Variants in TTC34 observed in about 807,000 individuals in gnomAD.
TTC34 encodes the protein tetratricopeptide repeat protein 34.
Under a neutral mutation model 40.7 loss-of-function variants are expected in TTC34, and 44 were observed. That is an observed-to-expected ratio of 1.08 (90% CI 0.85 to 1.39). The LOEUF is 1.39. Among genes scored for constraint, TTC34 ranks in the 40% most tolerant of loss-of-function variants. The probability of loss-of-function intolerance (pLI) is 0.00; values close to 1 mark genes in which losing one functional copy is unlikely to be tolerated. For synonymous variants in TTC34, 422 were observed against 398.6 expected, an observed-to-expected ratio of 1.06 and a Z score of -0.70; for missense variants, 884 against 838.0, an observed-to-expected ratio of 1.05 and a Z score of -0.68.
intron 6 of TTC34, among the ~76,000 whole-genome samples, chr1:2,759,664 G>A (rs1641627739): frequency 1.1e-4 from 16 of 151,338 alleles, no homozygotes; most frequent in African/African-American, 3.7e-4. Context: ...CGACAGCCTG[G>A]AGCAGCACCA....
At chr1:2,644,345 C>G (rs964544247) in exon 8 of TTC34, 1 of 1,536,020 alleles carries the variant, frequency 6.5e-7, no homozygotes, top group African/African-American at 1.4e-5. Flanking sequence ...CGGCCAGGCT[C>G]TGCAGGTCCC....
chr1:2,684,799 C>G (rs901574157), intron 6 of TTC34, among the ~76,000 whole-genome samples: 2 of 118,172 alleles, frequency 1.7e-5, no homozygotes, highest in Non-Finnish European at 3.4e-5. Context: ...ACCCACACCC[C>G]CAGGTGAGCA....
chr1:2,750,159 A>ACCC (rs1569688444), intron 6 of TTC34, among the ~76,000 whole-genome samples: 1 of 81,398 alleles, frequency 1.2e-5, no homozygotes, highest in Non-Finnish European at 2.6e-5. Flanking sequence ...GAGCAGAACA[A>ACCC]ACACCCCCAG....
chr1:2,694,044 C>G (rs200840461), intron 6 of TTC34, among the ~76,000 whole-genome samples: 193 of 16,760 alleles, frequency 0.012, 35 homozygotes, highest in Non-Finnish European at 0.019. Context: ...GCGAGCATCT[C>G]ACAGCACGTA....
intron 6 of TTC34, among the ~76,000 whole-genome samples, chr1:2,676,988 A>C (rs1465939960): frequency 8.6e-6 from 1 of 116,934 alleles, no homozygotes; most frequent in Non-Finnish European, 1.9e-5. Context: ...AGCATCCGAC[A>C]GCCTGGAGCA....
intron 5 of TTC34, among the ~76,000 whole-genome samples, chr1:2,785,107 C>T (rs913505851): frequency 2.6e-5 from 4 of 152,298 alleles, no homozygotes; most frequent in East Asian, 1.9e-4. Context: ...CACTTCCACC[C>T]GACATGGGCA....
At chr1:2,687,460 C>T (rs1449108197) in intron 6 of TTC34, among the ~76,000 whole-genome samples, 1 of 133,014 alleles carries the variant, frequency 7.5e-6, no homozygotes, top group South Asian at 2.3e-4. Context: ...AGGTGAGCAT[C>T]CGACAGCCTG....
exon 4 of TTC34, chr1:2,787,563 G>T: frequency 6.5e-7 from 1 of 1,545,618 alleles, no homozygotes; most frequent in South Asian, 1.2e-5. Context: ...GGGCCTCCGG[G>T]ATAGGGCCAC....
chr1:2,783,783 A>T lies in TTC34; in HGVS notation c.2060-8T>A. 3.4e-6 allele frequency: 5 copies of T among 1,489,098 alleles called. No individual in the cohort carries two copies. Among genetic ancestry groups the T allele is most frequent in the Non-Finnish European group, 4.5e-6 (5 of 1,114,624 alleles). The allele number at this position is 1,489,098 out of a possible 1,614,324, so 92.2% of individuals were successfully genotyped here. On this transcript the variant is annotated splice_region_variant and splice_polypyrimidine_tract_variant and intron_variant, in intron 5 of 8. Coordinates refer to ENST00000401095, the Ensembl canonical transcript of TTC34. The stretch of plus-strand genomic sequence containing the variant: ...ACTCACTTGCCTGGCTTCCTGCAGG[A>T]AGACGGCATGGGGTCAGGATGAGCC...
At chr1:2,768,235 G>A (rs66517664) in intron 6 of TTC34, among the ~76,000 whole-genome samples, 49,230 of 148,196 alleles carry the variant, frequency 0.33, 4,436 homozygotes, top group East Asian at 0.44. Flanking sequence ...ACCTGAGGTT[G>A]GGAGTGCCAT....
Position 2,789,795 on chromosome 1 carries a change from C to T in TTC34, c.1336G>A (p.Ala446Thr). The change falls in exon 3 of 9, where the codon GCG (alanine) becomes ACG (threonine). Residue 446 changes from alanine to threonine, a missense_variant. Ala to Thr is a moderately conservative substitution (Grantham distance 58, BLOSUM62 0). Transcript: ENST00000401095. ...CGCACACAGCCCCCCGGGTGCGGCG[C>T]CCCCTGCTCCACTACCGTCTGGAAG... 4 of 494,672 alleles carry T rather than the reference C, an allele frequency of 8.1e-6. No homozygotes were observed. The Middle Eastern group carries it at 1.6e-3, about 194-fold the overall frequency. The allele number at this position is 494,672 out of a possible 1,614,324, so 30.6% of individuals were successfully genotyped here.
At chr1:2,675,673 AGCAC>A (rs1639887553) in intron 6 of TTC34, among the ~76,000 whole-genome samples, 1 of 132,516 alleles carries the variant, frequency 7.5e-6, no homozygotes, top group African/African-American at 2.9e-5. Context: ...AGCCTGGAGC[AGCAC>A]CCACACCCCC....
rs555127008 is a variant in TTC34, at chr1:2,699,372, C to T, written c.2227-53809G>A. Among the ~76,000 whole-genome samples, 2 of 112,032 alleles carry T rather than the reference C, an allele frequency of 1.8e-5. 1 individual carries two copies. The highest frequency in any genetic ancestry group is 4.2e-5 in the Non-Finnish European group (2 of 47,226). The allele number at this position is 112,032 out of a possible 152,430, so 73.5% of individuals were successfully genotyped here. On this transcript the variant is annotated intron_variant, in intron 6 of 8. Coordinates refer to ENST00000401095, the Ensembl canonical transcript of TTC34. Reference sequence around the variant, plus strand: ...GACAGCCTGGAACAGCACCGCACACCCGCAGGTGAGCATCTGACAGCCTGG... The same window carrying T: ...GACAGCCTGGAACAGCACCGCACACTCGCAGGTGAGCATCTGACAGCCTGG...
chr1:2,652,767 C>A (rs1208009245), intron 6 of TTC34, among the ~76,000 whole-genome samples: 9 of 151,642 alleles, frequency 5.9e-5, no homozygotes, highest in African/African-American at 1.9e-4. Context: ...CACCCTGCAC[C>A]CCCAGGTGAG....
intron 6 of TTC34, among the ~76,000 whole-genome samples, chr1:2,692,591 G>T (rs1640674768): frequency 6.7e-6 from 1 of 149,614 alleles, no homozygotes; most frequent in Non-Finnish European, 1.5e-5. Flanking sequence ...ACACCCCCAT[G>T]TGAGCATCTG....
chr1:2,698,947 A>T lies in TTC34; in HGVS notation c.2227-53384T>A, dbSNP rs1055625100. On this transcript the variant is annotated intron_variant, in intron 6 of 8. Transcript: ENST00000401095. ...TCCTGCACCCTCAGGTGAGCATCTG[A>T]CAGCCTGGAACATCACCCTGCCCCC... 1.0e-4 allele frequency among the ~76,000 whole-genome samples: 14 copies of T among 133,390 alleles called. 1 individual carries two copies. The highest frequency in any genetic ancestry group is 2.0e-4 in the Non-Finnish European group (12 of 60,248). 87.5% of individuals were successfully genotyped at this position (133,390 alleles called of 152,430 possible).
chr1:2,780,042 A>C (rs1371989862), intron 6 of TTC34, among the ~76,000 whole-genome samples: 2 of 152,174 alleles, frequency 1.3e-5, no homozygotes, highest in African/African-American at 4.8e-5. Flanking sequence ...TGAACCCCGG[A>C]AGCGGAAGTT....
At chr1:2,789,449 T>C in intron 3 of TTC34, 54 bp downstream of exon 3, 1 of 1,468,966 alleles carries the variant, frequency 6.8e-7, no homozygotes, top group Non-Finnish European at 9.1e-7. Context: ...CGTCGCTACC[T>C]CGAAGGAGAC....
intron 6 of TTC34, among the ~76,000 whole-genome samples, chr1:2,698,865 G>A (rs1313111070): frequency 1.1e-4 from 17 of 149,204 alleles, no homozygotes; most frequent in Admixed American, 6.7e-5. Flanking sequence ...GCGAGCATCT[G>A]ACATCCTGGA....
Sources: allele counts gnomAD v4.1 joint callset (sites outside exome capture counted in the v4.1 genomes callset), GRCh38; gene constraint gnomAD v4.1.1; transcripts MANE v1.5; gene names NCBI Gene and HGNC (gene_info 2026-07-23, HGNC 2026-07-21).